Variants in WDR70 observed in about 807,000 individuals in gnomAD.
WDR70 encodes the protein WD repeat-containing protein 70.
Under a neutral mutation model 88.6 loss-of-function variants are expected in WDR70, and 53 were observed. The ratio of observed to expected loss-of-function variants is 0.60; its 90% CI spans 0.48 to 0.75. WDR70 has a LOEUF of 0.75. Ranked by LOEUF, WDR70 falls within the 30% of genes least tolerant of loss-of-function variation. The probability of loss-of-function intolerance (pLI) is 0.00; values close to 1 mark genes in which losing one functional copy is unlikely to be tolerated. For synonymous variants in WDR70, 280 were observed against 270.0 expected (o/e 1.04, Z -0.36); for missense variants, 610 against 823.2 (o/e 0.74, Z 3.17).
At chr5:37,558,646 A>AT (rs1012286578) in intron 9 of WDR70, among the ~76,000 whole-genome samples, 3 of 151,688 alleles carry the variant, frequency 2.0e-5, no homozygotes, top group Non-Finnish European at 2.9e-5. Flanking sequence ...CTTTAAAACA[A>AT]TTTTTTTTCT....
intron 5 of WDR70, among the ~76,000 whole-genome samples, chr5:37,412,562 T>C (rs183215937): frequency 2.1e-3 from 312 of 152,056 alleles, no homozygotes; most frequent in African/African-American, 6.9e-3. Context: ...CTACAGAAAA[T>C]AGAAAGTTGG....
intron 5 of WDR70, among the ~76,000 whole-genome samples, chr5:37,404,904 T>G (rs1400446836): frequency 6.6e-6 from 1 of 152,136 alleles, no homozygotes; most frequent in Non-Finnish European, 1.5e-5. Context: ...AATTATCACA[T>G]TAGTACTTAT....
chr5:37,608,699 G>A (rs1185203722), intron 10 of WDR70, among the ~76,000 whole-genome samples: 11 of 151,908 alleles, frequency 7.2e-5, no homozygotes, highest in African/African-American at 1.9e-4. Flanking sequence ...CTGAGACCAC[G>A]GGCATGCGCC....
At chr5:37,403,244 G>A (rs79580840) in intron 5 of WDR70, among the ~76,000 whole-genome samples, 7,361 of 151,982 alleles carry the variant, frequency 0.048, 197 homozygotes, top group South Asian at 0.076. Flanking sequence ...CACTGTGCCC[G>A]GTCCCCAATC....
chr5:37,705,294 C>T (rs1017174003), intron 13 of WDR70, among the ~76,000 whole-genome samples: 2 of 152,068 alleles, frequency 1.3e-5, no homozygotes, highest in Admixed American at 1.3e-4. Context: ...AAAATGAGCC[C>T]TAAGAAATGT....
At chr5:37,672,382 C>T (rs1055441613) in intron 10 of WDR70, among the ~76,000 whole-genome samples, 3 of 152,060 alleles carry the variant, frequency 2.0e-5, no homozygotes, top group Admixed American at 1.3e-4. Flanking sequence ...GGAAGGCCTC[C>T]GTCTCCTGCA....
intron 10 of WDR70, among the ~76,000 whole-genome samples, chr5:37,672,232 G>A (rs1030327454): frequency 2.7e-4 from 41 of 152,138 alleles, no homozygotes; most frequent in Non-Finnish European, 1.6e-4. Flanking sequence ...TACTGTCCAA[G>A]GTTTCCCCCC....
Position 37,683,922 on chromosome 5 carries a change from T to G in WDR70, c.1093-13733T>G, listed in dbSNP as rs184285980. On this transcript the variant is annotated intron_variant, in intron 10 of 17. Coordinates refer to ENST00000265107, the MANE Select transcript of WDR70 (RefSeq NM_018034.4). The stretch of plus-strand genomic sequence containing the variant: ...TTTGGCAAAGTTCTCATGGATGATA[T>G]CCTGAAATATGTTTTCCAAGTTGTT... Among the ~76,000 whole-genome samples, 14 of 152,326 alleles carry G rather than the reference T, an allele frequency of 9.2e-5. No individual in the cohort carries two copies. The South Asian group carries it at 1.5e-3, about 16-fold the overall frequency.
At chr5:37,588,965 A>T (rs1469198975) in intron 9 of WDR70, among the ~76,000 whole-genome samples, 1 of 151,886 alleles carries the variant, frequency 6.6e-6, no homozygotes, top group Admixed American at 6.6e-5. Flanking sequence ...GGGTTTCACC[A>T]TGTTGGCCAG....
intron 10 of WDR70, among the ~76,000 whole-genome samples, chr5:37,636,702 A>C (rs1157847845): frequency 6.6e-6 from 1 of 152,218 alleles, no homozygotes; most frequent in Non-Finnish European, 1.5e-5. Context: ...AGAAAACACC[A>C]GACAAACCCA....
chr5:37,508,282 A>C (rs894967549), intron 8 of WDR70, among the ~76,000 whole-genome samples: 2 of 152,188 alleles, frequency 1.3e-5, no homozygotes, highest in African/African-American at 4.8e-5. Context: ...CCCTTCTGAA[A>C]AAAAGGAATA....
chr5:37,551,448 A>G (rs482695), intron 9 of WDR70, among the ~76,000 whole-genome samples: 111,723 of 151,624 alleles, frequency 0.74, 41,724 homozygotes, highest in African/African-American at 0.87. Flanking sequence ...TTATTATTTT[A>G]GCTGGGCATG....
intron 16 of WDR70, 102 bp from the exon 17 acceptor site, chr5:37,726,781 A>T: frequency 8.4e-7 from 1 of 1,186,544 alleles, no homozygotes; most frequent in Non-Finnish European, 1.1e-6. Flanking sequence ...AAATTTAAGT[A>T]CTCTTGAGAT....
At chr5:37,395,056 A>AT (rs1193479943) in intron 4 of WDR70, among the ~76,000 whole-genome samples, 1 of 152,204 alleles carries the variant, frequency 6.6e-6, no homozygotes, top group Non-Finnish European at 1.5e-5. Flanking sequence ...CAAAACAGAA[A>AT]TTCGTGCTTT....
At chr5:37,539,398 C>G (rs1378882474) in intron 9 of WDR70, among the ~76,000 whole-genome samples, 8 of 152,046 alleles carry the variant, frequency 5.3e-5, no homozygotes, top group African/African-American at 1.9e-4. Flanking sequence ...ACAAAGACAC[C>G]AGGGATGCAC....
chr5:37,385,144 C>A (rs986365632), intron 3 of WDR70, among the ~76,000 whole-genome samples: 2 of 152,100 alleles, frequency 1.3e-5, no homozygotes, highest in African/African-American at 4.8e-5. Context: ...AGGTGCAGAG[C>A]TTCTGTGCCC....
At position 37,745,202 on chromosome 5, in the gene WDR70, A is replaced by G. The variant is rs564191895; in HGVS notation, c.1878-7284A>G. 3.3e-5 allele frequency among the ~76,000 whole-genome samples: 5 copies of G among 152,200 alleles called. No homozygotes were observed. In the South Asian group the frequency reaches 1.0e-3, roughly 32 times the overall value. On this transcript the variant is annotated intron_variant, in intron 17 of 17. Transcript: ENST00000265107. Reference sequence around the variant, plus strand: ...AGCTTCATAAGCGAAGGAGAAATAAAATCCTTTCCAGACAAGCAAATGCTG... The same window carrying G: ...AGCTTCATAAGCGAAGGAGAAATAAGATCCTTTCCAGACAAGCAAATGCTG...
chr5:37,583,333 ATGGCGTGAACCCAGG>A (rs941060369), intron 9 of WDR70, among the ~76,000 whole-genome samples: 3 of 151,632 alleles, frequency 2.0e-5, no homozygotes, highest in Admixed American at 1.3e-4. Flanking sequence ...AGCCAGGAGA[ATGGCGTGAACCCAGG>A]AGGCAGAGCT....
chr5:37,571,274 C>T (rs1742898915), intron 9 of WDR70, among the ~76,000 whole-genome samples: 1 of 152,132 alleles, frequency 6.6e-6, no homozygotes, highest in African/African-American at 2.4e-5. Context: ...AAATTGCAAT[C>T]TATTCCAAAA....
Sources: allele counts gnomAD v4.1 joint callset (sites outside exome capture counted in the v4.1 genomes callset), GRCh38; gene constraint gnomAD v4.1.1; transcripts MANE v1.5; gene names NCBI Gene and HGNC (gene_info 2026-07-23, HGNC 2026-07-21).